Variants in NDUFS4 observed in about 807,000 individuals in gnomAD.
NDUFS4 encodes NADH:ubiquinone oxidoreductase subunit S4, also known as NADH dehydrogenase [ubiquinone] iron-sulfur protein 4, mitochondrial.
NDUFS4 carries 28 observed loss-of-function variants against 24.3 expected under a neutral mutation model. The observed-to-expected ratio is 1.15, with a 90% CI of 0.85 to 1.58. The LOEUF is 1.58. NDUFS4 is among the 40% of genes most tolerant of loss of function. NDUFS4 has a pLI of 0.00. For missense variants in NDUFS4, 223 were observed against 207.9 expected (o/e 1.07, Z -0.45); for synonymous variants, 93 against 69.7 (o/e 1.34, Z -1.67).
At position 53,560,694 on chromosome 5, in the gene NDUFS4, G is replaced by A; in HGVS notation, c.32G>A (p.Arg11Lys). 6.2e-7 allele frequency: 1 copy of A among 1,614,246 alleles called. No individual in the cohort carries two copies. The highest frequency in any genetic ancestry group is 8.5e-7 in the Non-Finnish European group (1 of 1,180,048). The change falls in exon 1 of 5, where the codon AGG becomes AAG. Residue 11 changes from arginine (R) to lysine (K), a missense_variant. Arg to Lys is a conservative substitution (Grantham distance 26). Transcript: ENST00000296684. ...GCGGTGTCAATGTCAGTGGTACTGA[G>A]GCAGACGTTGTGGCGGAGAAGGGCA... Reference protein sequence around the residue: MAAVSMSVVLRQTLWRRRAVA... With the variant: MAAVSMSVVLKQTLWRRRAVA...
At chr5:53,607,883 A>C (rs918693443) in intron 2 of NDUFS4, among the ~76,000 whole-genome samples, 45 of 152,362 alleles carry the variant, frequency 3.0e-4, no homozygotes, top group Non-Finnish European at 8.8e-5. Flanking sequence ...GCCAAAATGC[A>C]AATGAGTGCC....
At chr5:53,581,697 G>A (rs1353909927) in intron 1 of NDUFS4, among the ~76,000 whole-genome samples, 1 of 152,048 alleles carries the variant, frequency 6.6e-6, no homozygotes, top group Non-Finnish European at 1.5e-5. Flanking sequence ...TCTTTGAGGA[G>A]CATTATCTGA....
chr5:53,592,129 GA>G (rs1199002076), intron 1 of NDUFS4, among the ~76,000 whole-genome samples: 5 of 151,930 alleles, frequency 3.3e-5, no homozygotes, highest in African/African-American at 7.3e-5. Context: ...TAGTAGAGAT[GA>G]GGGGGTGTGG....
chr5:53,623,121 T>A (rs372042747), intron 2 of NDUFS4, among the ~76,000 whole-genome samples: 151 of 152,332 alleles, frequency 9.9e-4, no homozygotes, highest in African/African-American at 3.5e-3. Flanking sequence ...TTTCAAGTTT[T>A]TAGGAAGATG....
chr5:53,627,414 G>A (rs1330828790), intron 2 of NDUFS4, among the ~76,000 whole-genome samples: 4 of 152,122 alleles, frequency 2.6e-5, no homozygotes, highest in African/African-American at 4.8e-5. Context: ...CGAATTCTGT[G>A]AAGAAAGCCA....
At chr5:53,660,102 G>A (rs1369105859) in intron 4 of NDUFS4, among the ~76,000 whole-genome samples, 4 of 151,514 alleles carry the variant, frequency 2.6e-5, no homozygotes, top group African/African-American at 9.7e-5. Flanking sequence ...GTGCTGCACC[G>A]ATTAACTCTT....
chr5:53,628,539 T>C (rs1751299305), intron 2 of NDUFS4, among the ~76,000 whole-genome samples: 1 of 151,488 alleles, frequency 6.6e-6, no homozygotes, highest in Non-Finnish European at 1.5e-5. Flanking sequence ...TAGGCTATTA[T>C]TGCCCCAATT....
intron 2 of NDUFS4, among the ~76,000 whole-genome samples, chr5:53,630,299 G>T (rs1352172369): frequency 6.6e-6 from 1 of 151,856 alleles, no homozygotes; most frequent in Non-Finnish European, 1.5e-5. Flanking sequence ...CTTTTTCTCT[G>T]GCTGCCCTTA....
chr5:53,670,864 G>A (rs1206795678), intron 4 of NDUFS4, among the ~76,000 whole-genome samples: 1 of 151,148 alleles, frequency 6.6e-6, no homozygotes, highest in Non-Finnish European at 1.5e-5. Context: ...TGTCCCTATA[G>A]TACCTCTAGA....
At chr5:53,678,696 C>T (rs1740555090) in intron 4 of NDUFS4, among the ~76,000 whole-genome samples, 1 of 152,094 alleles carries the variant, frequency 6.6e-6, no homozygotes, top group African/African-American at 2.4e-5. Context: ...TAAAGAAAGA[C>T]ATTCTTATAG....
intron 1 of NDUFS4, among the ~76,000 whole-genome samples, chr5:53,592,715 C>A (rs1478496370): frequency 6.6e-6 from 1 of 152,168 alleles, no homozygotes; most frequent in Non-Finnish European, 1.5e-5. Flanking sequence ...TAGTCTATTT[C>A]TGTTCCATTC....
chr5:53,563,907 C>A (rs1748938780), intron 1 of NDUFS4, among the ~76,000 whole-genome samples: 1 of 152,216 alleles, frequency 6.6e-6, no homozygotes, highest in African/African-American at 2.4e-5. Context: ...AAATGGCACT[C>A]TATTTCAAAA....
chr5:53,605,751 G>A (rs971259374), intron 2 of NDUFS4, among the ~76,000 whole-genome samples: 1 of 151,848 alleles, frequency 6.6e-6, no homozygotes, highest in Admixed American at 6.6e-5. Context: ...GCAGTGGCTC[G>A]TGCCTGTAAT....
intron 1 of NDUFS4, among the ~76,000 whole-genome samples, chr5:53,575,064 C>A (rs372270426): frequency 1.3e-5 from 2 of 152,170 alleles, no homozygotes; most frequent in Admixed American, 1.3e-4. Flanking sequence ...TTGCCTATGG[C>A]TGATTCATGG....
At chr5:53,628,405 TAAG>T (rs1751295375) in intron 2 of NDUFS4, among the ~76,000 whole-genome samples, 6 of 152,216 alleles carry the variant, frequency 3.9e-5, no homozygotes, top group Admixed American at 3.3e-4. Context: ...TAAAGTGAGT[TAAG>T]GAGGAGTCCC....
intron 4 of NDUFS4, among the ~76,000 whole-genome samples, chr5:53,670,546 T>C (rs1752636165): frequency 6.6e-6 from 1 of 151,776 alleles, no homozygotes. Context: ...TTAATGTGGC[T>C]ACTAGAAACT....
intron 4 of NDUFS4, among the ~76,000 whole-genome samples, chr5:53,659,399 A>G (rs879924978): frequency 2.0e-5 from 3 of 152,148 alleles, no homozygotes; most frequent in Non-Finnish European, 2.9e-5. Context: ...TTCATAATGG[A>G]CTTAATGTTT....
chr5:53,627,446 C>T (rs941070724), intron 2 of NDUFS4, among the ~76,000 whole-genome samples: 1 of 152,136 alleles, frequency 6.6e-6, no homozygotes, highest in Non-Finnish European at 1.5e-5. Flanking sequence ...ATGGGTATAG[C>T]ATTGAATCTG....
At chr5:53,608,311 A>G (rs1750589868) in intron 2 of NDUFS4, among the ~76,000 whole-genome samples, 2 of 152,220 alleles carry the variant, frequency 1.3e-5, no homozygotes, top group South Asian at 4.1e-4. Context: ...TCTTGCCTCC[A>G]TGGTGGTGGT....
Sources: allele counts gnomAD v4.1 joint callset (sites outside exome capture counted in the v4.1 genomes callset), GRCh38; gene constraint gnomAD v4.1.1; transcripts MANE v1.5; gene names NCBI Gene and HGNC (gene_info 2026-07-23, HGNC 2026-07-21).